The following HHAT variants were observed in gnomAD, a reference collection of about 807,000 sequenced individuals.
HHAT encodes protein-cysteine N-palmitoyltransferase HHAT.
HHAT carries 47 observed loss-of-function variants against 70.8 expected under a neutral mutation model. That is an observed-to-expected ratio of 0.66 (90% CI 0.53 to 0.85). The LOEUF is 0.85. HHAT is among the 40% of genes least tolerant of loss of function. The pLI, the probability that HHAT is intolerant of heterozygous loss-of-function variation, is 0.00. For missense variants in HHAT, 609 were observed against 604.8 expected, an observed-to-expected ratio of 1.01 and a Z score of -0.07; for synonymous variants, 228 against 247.6, an observed-to-expected ratio of 0.92 and a Z score of 0.74.
rs2093799928 is a variant in HHAT at position 210,453,582 on chromosome 1, T to G, written c.857-10923T>G. Among the ~76,000 whole-genome samples, 3 of 152,138 alleles carry G rather than the reference T, an allele frequency of 2.0e-5. No individual in the cohort carries two copies. In the South Asian group the frequency reaches 6.2e-4, roughly 32 times the overall value. ...CTCAGAATACCATGATCTTTGTTCA[T>G]TCTTAACTAACTCATTATTGTGCTG... is the stretch of plus-strand genomic sequence containing the variant. On this transcript the variant is annotated intron_variant, in intron 7 of 11. Coordinates refer to ENST00000261458, the MANE Select transcript of HHAT (RefSeq NM_018194.6).
chr1:210,541,294 A>G (rs947428641), intron 9 of HHAT, among the ~76,000 whole-genome samples: 4 of 152,166 alleles, frequency 2.6e-5, no homozygotes, highest in Non-Finnish European at 4.4e-5. Context: ...TAGCCACTTG[A>G]CCAGCATTGT....
chr1:210,390,969 A>G (rs894701271), intron 4 of HHAT, among the ~76,000 whole-genome samples: 1 of 152,234 alleles, frequency 6.6e-6, no homozygotes, highest in African/African-American at 2.4e-5. Context: ...ATGCAAGTGC[A>G]TGTGCCTTTT....
At chr1:210,658,594 A>G (rs1676963761) in intron 11 of HHAT, among the ~76,000 whole-genome samples, 1 of 152,230 alleles carries the variant, frequency 6.6e-6, no homozygotes, top group African/African-American at 2.4e-5. Context: ...GACCTAATAG[A>G]CATCTACAGA....
intron 11 of HHAT, among the ~76,000 whole-genome samples, chr1:210,662,983 G>A (rs548168808): frequency 1.1e-4 from 17 of 152,210 alleles, no homozygotes; most frequent in Admixed American, 5.2e-4. Flanking sequence ...CTCCCTGAGG[G>A]TGGTCCCAGC....
rs139924516 is a variant in HHAT at position 210,333,869 on chromosome 1, C to A, written c.-44+4765C>A. Among the ~76,000 whole-genome samples, 1,385 of 152,172 alleles carry A rather than the reference C, an allele frequency of 9.1e-3. 27 individuals carry two copies. Among genetic ancestry groups the A allele is most frequent in the African/African-American group, 0.031 (1,304 of 41,498 alleles). On this transcript the variant is annotated intron_variant, in intron 1 of 11. Coordinates refer to ENST00000261458, the MANE Select transcript of HHAT (RefSeq NM_018194.6). ...ACAGGGTTTTGCCATGTTGGCCAGG[C>A]TGGTCTTGAACTCCTGGCTTGAAGT...
chr1:210,652,854 T>C (rs568066915), intron 11 of HHAT, among the ~76,000 whole-genome samples: 50 of 152,294 alleles, frequency 3.3e-4, no homozygotes, highest in African/African-American at 1.1e-3. Context: ...ATCAAAAATT[T>C]TACCTCATAG....
At chr1:210,446,567 C>T (rs528294058) in intron 7 of HHAT, among the ~76,000 whole-genome samples, 11 of 152,272 alleles carry the variant, frequency 7.2e-5, no homozygotes, top group East Asian at 1.9e-4. Context: ...CCACGTGGTC[C>T]GGCACCTGCC....
At chr1:210,627,582 G>A (rs980874991) in intron 11 of HHAT, among the ~76,000 whole-genome samples, 1 of 152,142 alleles carries the variant, frequency 6.6e-6, no homozygotes, top group Non-Finnish European at 1.5e-5. Context: ...GACAGAGTCT[G>A]AAGGCAAGGG....
chr1:210,348,982 C>T lies in HHAT; in HGVS notation c.7C>T (p.Pro3Ser), dbSNP rs2086775010. 2 of 1,613,824 alleles carry T rather than the reference C, an allele frequency of 1.2e-6. No individual in the cohort carries two copies. Among genetic ancestry groups the T allele is most frequent in the South Asian group, 1.1e-5 (1 of 91,064 alleles). Reference protein sequence around the residue: MLPRWELALYLLA... With the variant: MLSRWELALYLLA... ...ACCTTCGTGCCAAGGAGCCATGCTG[C>T]CCCGATGGGAACTGGCACTTTACCT... The change falls in exon 2 of 12, where the codon CCC becomes TCC. Residue 3 changes from proline to serine, a missense_variant. Coordinates refer to ENST00000261458, the MANE Select transcript of HHAT (RefSeq NM_018194.6).
At chr1:210,652,828 C>T (rs1574014006) in intron 11 of HHAT, among the ~76,000 whole-genome samples, 1 of 152,236 alleles carries the variant, frequency 6.6e-6, no homozygotes, top group African/African-American at 2.4e-5. Context: ...CAAGGTACTA[C>T]ACCAGGTTGG....
intron 9 of HHAT, among the ~76,000 whole-genome samples, chr1:210,583,401 A>G (rs962233528): frequency 6.6e-6 from 1 of 152,198 alleles, no homozygotes; most frequent in African/African-American, 2.4e-5. Flanking sequence ...CTTTGCTGAG[A>G]AGGTGGTGCT....
chr1:210,604,679 C>T (rs968039402), intron 10 of HHAT, among the ~76,000 whole-genome samples: 1 of 152,006 alleles, frequency 6.6e-6, no homozygotes, highest in Non-Finnish European at 1.5e-5. Flanking sequence ...CGGATTCACC[C>T]TAGGGAGGTT....
intron 3 of HHAT, among the ~76,000 whole-genome samples, chr1:210,365,933 AT>A (rs34661266): frequency 0.54 from 81,026 of 149,970 alleles, 22,735 homozygotes; most frequent in African/African-American, 0.7. Flanking sequence ...ATTAAAAAAA[AT>A]TTTTTTTTTT....
rs115787647 is a variant in HHAT at position 210,446,125 on chromosome 1, G to A, written c.857-18380G>A. ...GGCGGAGCCTGTGGGAGATTCTCTTGTCGGGTGGGCGAGGGTGTGGAACTC... is the reference window on the plus strand; with the variant it reads ...GGCGGAGCCTGTGGGAGATTCTCTTATCGGGTGGGCGAGGGTGTGGAACTC... On this transcript the variant is annotated intron_variant, in intron 7 of 11. Coordinates refer to ENST00000261458, the MANE Select transcript of HHAT (RefSeq NM_018194.6). Among the ~76,000 whole-genome samples, 1,123 of 152,232 alleles carry A rather than the reference G, an allele frequency of 7.4e-3. 18 individuals carry two copies. Among genetic ancestry groups the A allele is most frequent in the African/African-American group, 0.026 (1,069 of 41,528 alleles).
intron 7 of HHAT, among the ~76,000 whole-genome samples, chr1:210,424,324 A>G (rs141209679): frequency 2.4e-3 from 364 of 152,032 alleles, no homozygotes; most frequent in African/African-American, 8.4e-3. Context: ...TCTTTAGTTC[A>G]CTGTTGGTGT....
At chr1:210,336,638 G>A (rs1337601038) in intron 1 of HHAT, among the ~76,000 whole-genome samples, 2 of 152,006 alleles carry the variant, frequency 1.3e-5, no homozygotes, top group Non-Finnish European at 2.9e-5. Context: ...TAAAAAATTA[G>A]CAGGGGGTGG....
intron 11 of HHAT, among the ~76,000 whole-genome samples, chr1:210,625,977 T>G (rs1669753969): frequency 6.6e-6 from 1 of 152,086 alleles, no homozygotes; most frequent in East Asian, 1.9e-4. Context: ...GCACCAGCTG[T>G]CTATGGCACA....
chr1:210,487,609 C>G (rs1000707738), intron 8 of HHAT, among the ~76,000 whole-genome samples: 4 of 152,144 alleles, frequency 2.6e-5, no homozygotes, highest in Non-Finnish European at 5.9e-5. Flanking sequence ...TCCAGAGATG[C>G]TGGTGAAGGG....
intron 3 of HHAT, among the ~76,000 whole-genome samples, chr1:210,371,614 A>G (rs910736938): frequency 6.6e-6 from 1 of 152,164 alleles, no homozygotes; most frequent in African/African-American, 2.4e-5. Flanking sequence ...CTGAACATTC[A>G]CGCACACAGC....
Sources: gnomAD v4.1 joint callset for allele counts (sites outside exome capture counted in the v4.1 genomes callset) on GRCh38, gnomAD v4.1.1 for gene constraint, MANE v1.5 for transcripts, NCBI Gene and HGNC (gene_info 2026-07-23, HGNC 2026-07-21) for gene names.